Variants in CRYBG1 observed in about 807,000 individuals in gnomAD.
CRYBG1 encodes beta/gamma crystallin domain-containing protein 1.
A neutral mutation model predicts 189.2 loss-of-function variants in CRYBG1; 139 were observed. That is an observed-to-expected ratio of 0.73 (90% confidence interval 0.64 to 0.85). The LOEUF is 0.85. Ranked by LOEUF, CRYBG1 falls within the 40% of genes least tolerant of loss-of-function variation. The probability of loss-of-function intolerance (pLI) is 0.00; values close to 1 mark genes in which losing one functional copy is unlikely to be tolerated. For missense variants in CRYBG1, 2,611 were observed against 2,675.8 expected (o/e 0.98, Z 0.53); for synonymous variants, 1,023 against 1,017.1 (o/e 1.01, Z -0.11).
intron 3 of CRYBG1, among the ~76,000 whole-genome samples, chr6:106,513,979 A>G (rs1773359129): frequency 6.6e-6 from 1 of 152,240 alleles, no homozygotes; most frequent in African/African-American, 2.4e-5. Context: ...TATTGCCCTG[A>G]AATTTTTATA....
Position 106,530,161 on chromosome 6 carries a change from T to C in CRYBG1, c.4579-15T>C, listed in dbSNP as rs895094172. ...TGGTGCAATTCTTACTATCTATGCA[T>C]CTATATTTTTTCAGGATTACAGAGT... On this transcript the variant is annotated splice_polypyrimidine_tract_variant and intron_variant, in intron 7 of 21. Coordinates refer to ENST00000633556, the MANE Select transcript of CRYBG1 (RefSeq NM_001371242.2). 6.2e-7 allele frequency: 1 copy of C among 1,601,980 alleles called. No individual in the cohort carries two copies. Among genetic ancestry groups the C allele is most frequent in the African/African-American group, 1.3e-5 (1 of 74,448 alleles).
chr6:106,401,406 A>G (rs1165702537), intron 1 of CRYBG1, among the ~76,000 whole-genome samples: 1 of 64,422 alleles, frequency 1.6e-5, no homozygotes, highest in Non-Finnish European at 3.3e-5. Flanking sequence ...TTTTTTTTTA[A>G]TTTTCTTTTT....
intron 3 of CRYBG1, among the ~76,000 whole-genome samples, chr6:106,517,363 CAT>C (rs1208831549): frequency 4.3e-5 from 3 of 69,988 alleles, no homozygotes; most frequent in Admixed American, 2.8e-4. Flanking sequence ...TATATATACA[CAT>C]ATATACACAC....
chr6:106,553,716 C>A, intron 16 of CRYBG1, 149 bp downstream of exon 16: 1 of 644,608 alleles, frequency 1.6e-6, no homozygotes, highest in Non-Finnish European at 2.8e-6. Flanking sequence ...TATCTGAGTA[C>A]CAGACGCCAG....
At chr6:106,555,658 C>A in intron 16 of CRYBG1, 110 bp from the exon 17 acceptor site, 1 of 1,294,854 alleles carries the variant, frequency 7.7e-7, no homozygotes, top group Non-Finnish European at 1.1e-6. Context: ...CTCTGTTTGC[C>A]AGAAGCATTG....
rs1004115689 is a variant in CRYBG1 at position 106,511,737 on chromosome 6, CT to C, written c.621del (p.Asp208ThrfsTer28). 26 of 1,535,294 alleles carry C rather than the reference CT, an allele frequency of 1.7e-5. No homozygotes were observed. Among genetic ancestry groups the C allele is most frequent in the Non-Finnish European group, 2.1e-5 (24 of 1,146,604 alleles). Reference protein sequence around the residue: ...LPESGGPAAPPDAELSPRWSS... With the variant: ...LPESGGPAAPXDAELSPRWSS... ...GAGAGCGGTGGCCCCGCAGCCCCCC[CT>C]GACGCCGAGCTGTCACCTCGCTGGA... On this transcript the variant is annotated frameshift_variant, in exon 3 of 22. Coordinates refer to ENST00000633556, the MANE Select transcript of CRYBG1 (RefSeq NM_001371242.2). LOFTEE classifies it high-confidence loss of function.
intron 1 of CRYBG1, among the ~76,000 whole-genome samples, chr6:106,373,010 C>CTG (rs752211603): frequency 1.1e-4 from 16 of 151,910 alleles, no homozygotes; most frequent in South Asian, 2.1e-4. Flanking sequence ...TTGGTAGAGG[C>CTG]TGTGTGTGTG....
intron 1 of CRYBG1, among the ~76,000 whole-genome samples, chr6:106,378,938 T>A (rs1174560682): frequency 2.6e-5 from 4 of 151,888 alleles, no homozygotes; most frequent in Non-Finnish European, 5.9e-5. Flanking sequence ...TCACCTGAGG[T>A]GATCGAAACC....
At position 106,380,086 on chromosome 6, in the gene CRYBG1, A is replaced by G. The variant is rs536990025; in HGVS notation, c.173+19005A>G. On this transcript the variant is annotated intron_variant, in intron 1 of 21. Coordinates refer to ENST00000633556, the MANE Select transcript of CRYBG1 (RefSeq NM_001371242.2). ...TGTTTAGAGTTTGATAACCAAAGACACTGCCCTGACTTGTGCAATTTCAAA... is the reference window on the plus strand; with the variant it reads ...TGTTTAGAGTTTGATAACCAAAGACGCTGCCCTGACTTGTGCAATTTCAAA... Among the ~76,000 whole-genome samples, 3 of 152,304 alleles carry G rather than the reference A, an allele frequency of 2.0e-5. No homozygotes were observed. The South Asian group carries it at 6.2e-4, about 32-fold the overall frequency.
At chr6:106,363,243 C>CAA (rs57040798) in intron 1 of CRYBG1, among the ~76,000 whole-genome samples, 4,750 of 110,778 alleles carry the variant, frequency 0.043, 123 homozygotes, top group East Asian at 0.11. Flanking sequence ...AACTCCGTCT[C>CAA]AAAAAAAAAA....
intron 1 of CRYBG1, among the ~76,000 whole-genome samples, chr6:106,442,407 G>C (rs1468208029): frequency 1.3e-5 from 2 of 152,158 alleles, no homozygotes; most frequent in Non-Finnish European, 2.9e-5. Flanking sequence ...TTTTGGACTA[G>C]AGAGCTAAGG....
rs552319850 is a variant in CRYBG1, at chr6:106,371,553, G to A, written c.173+10472G>A. On this transcript the variant is annotated intron_variant, in intron 1 of 21. Transcript: ENST00000633556. ...TAGTTACTGCAAGGGTGGGATTACC[G>A]AACTATTCTCTTTTGTATTGGCTAT... Among the ~76,000 whole-genome samples the A allele has an allele frequency of 1.8e-4, 27 of 152,282 alleles. No homozygotes were observed. In the East Asian group the frequency reaches 4.8e-3, roughly 27 times the overall value.
chr6:106,436,389 C>T (rs569833201), intron 1 of CRYBG1, among the ~76,000 whole-genome samples: 1 of 151,830 alleles, frequency 6.6e-6, no homozygotes, highest in Non-Finnish European at 1.5e-5. Flanking sequence ...GGCTCCGCCT[C>T]CCGGGTTCAC....
chr6:106,546,152 C>G (rs1475640309), intron 13 of CRYBG1, among the ~76,000 whole-genome samples: 4 of 152,190 alleles, frequency 2.6e-5, no homozygotes, highest in Non-Finnish European at 4.4e-5. Flanking sequence ...GGGTCTATCC[C>G]ATAGGAGCCA....
chr6:106,469,521 A>G (rs17320258), intron 2 of CRYBG1, among the ~76,000 whole-genome samples: 2,139 of 152,170 alleles, frequency 0.014, 46 homozygotes, highest in African/African-American at 0.049. Flanking sequence ...TTTTCAACTT[A>G]ATTTCCTTAA....
intron 1 of CRYBG1, among the ~76,000 whole-genome samples, chr6:106,391,968 T>TGCGC (rs1554231573): frequency 1.7e-5 from 1 of 59,450 alleles, no homozygotes; most frequent in Admixed American, 1.7e-4. Context: ...TGTGTGTGTG[T>TGCGC]GTGCGTGCGC....
intron 2 of CRYBG1, among the ~76,000 whole-genome samples, chr6:106,466,226 T>C (rs988302688): frequency 6.6e-6 from 1 of 152,366 alleles, no homozygotes; most frequent in South Asian, 2.1e-4. Context: ...CAGCCTGCCA[T>C]GTTTTCACAG....
chr6:106,536,085 A>C (rs914310264), intron 8 of CRYBG1, among the ~76,000 whole-genome samples: 5 of 152,134 alleles, frequency 3.3e-5, no homozygotes, highest in African/African-American at 1.2e-4. Flanking sequence ...ACTTTTAAAA[A>C]GATTTAGGCC....
chr6:106,490,944 G>A (rs1267209433), intron 2 of CRYBG1, among the ~76,000 whole-genome samples: 1 of 152,172 alleles, frequency 6.6e-6, no homozygotes, highest in Non-Finnish European at 1.5e-5. Flanking sequence ...GATTAAGGCT[G>A]GAAAGTAACT....
Sources: gnomAD v4.1 joint callset for allele counts (sites outside exome capture counted in the v4.1 genomes callset) on GRCh38, gnomAD v4.1.1 for gene constraint, MANE v1.5 for transcripts, NCBI Gene and HGNC (gene_info 2026-07-23, HGNC 2026-07-21) for gene names.